The following CHRM2 variants were observed in gnomAD, a reference collection of about 807,000 sequenced individuals.
CHRM2 encodes cholinergic receptor muscarinic 2.
In CHRM2, 8 loss-of-function variants were observed where a neutral mutation model predicts 25.0. That is an observed-to-expected ratio of 0.32 (90% CI 0.19 to 0.58). CHRM2 has a LOEUF of 0.58. Ranked by LOEUF, CHRM2 falls within the 20% of genes least tolerant of loss-of-function variation. The pLI is 0.88. For synonymous variants in CHRM2, 202 were observed against 205.7 expected, an observed-to-expected ratio of 0.98 and a Z score of 0.15; for missense variants, 440 against 567.1, an observed-to-expected ratio of 0.78 and a Z score of 2.28.
chr7:136,939,362 C>T (rs1038367292), intron 2 of CHRM2, among the ~76,000 whole-genome samples: 9 of 152,228 alleles, frequency 5.9e-5, no homozygotes, highest in African/African-American at 1.9e-4. Flanking sequence ...GATTAACAGA[C>T]TTGAGCTCAA....
At chr7:136,880,102 G>A (rs932007660) in intron 2 of CHRM2, among the ~76,000 whole-genome samples, 1 of 149,892 alleles carries the variant, frequency 6.7e-6, no homozygotes, top group African/African-American at 2.5e-5. Flanking sequence ...CCTCTCTGTG[G>A]TTTATCTTAG....
At chr7:136,879,873 A>G (rs768519343) in intron 2 of CHRM2, among the ~76,000 whole-genome samples, 5 of 151,974 alleles carry the variant, frequency 3.3e-5, no homozygotes, top group Admixed American at 6.6e-5. Flanking sequence ...AAGTTTTCAT[A>G]TTCAAACCAA....
chr7:136,901,209 C>T (rs1797188755), intron 2 of CHRM2, among the ~76,000 whole-genome samples: 1 of 151,926 alleles, frequency 6.6e-6, no homozygotes, highest in Non-Finnish European at 1.5e-5. Context: ...AAGATCCAGG[C>T]ATGTGAGAAT....
chr7:136,895,611 G>A (rs2130583375), intron 2 of CHRM2, among the ~76,000 whole-genome samples: 1 of 152,276 alleles, frequency 6.6e-6, no homozygotes, highest in Admixed American at 6.5e-5. Flanking sequence ...TGGGATTTCA[G>A]TCTTAGCTTA....
At chr7:136,994,784 T>C (rs1803481677) in intron 3 of CHRM2, among the ~76,000 whole-genome samples, 1 of 151,938 alleles carries the variant, frequency 6.6e-6, no homozygotes, top group Admixed American at 6.6e-5. Context: ...TAAAAGTAGC[T>C]TAAATTATTT....
At chr7:136,935,616 C>A (rs1313896674) in intron 2 of CHRM2, among the ~76,000 whole-genome samples, 1 of 152,108 alleles carries the variant, frequency 6.6e-6, no homozygotes, top group Non-Finnish European at 1.5e-5. Context: ...ATTAAGTGGC[C>A]CCACTCTGCA....
intron 2 of CHRM2, among the ~76,000 whole-genome samples, chr7:136,918,216 G>T (rs913784927): frequency 1.1e-4 from 16 of 151,984 alleles, no homozygotes; most frequent in Non-Finnish European, 2.1e-4. Flanking sequence ...TCAAGCTAAT[G>T]AATTACATAA....
intron 2 of CHRM2, among the ~76,000 whole-genome samples, chr7:136,968,721 A>AATAT (rs57962090): frequency 0.19 from 27,618 of 142,168 alleles, 2,738 homozygotes; most frequent in East Asian, 0.3. Context: ...TATTATCATA[A>AATAT]ATATATATAT....
intron 2 of CHRM2, among the ~76,000 whole-genome samples, chr7:136,916,713 C>T (rs1468233476): frequency 2.7e-5 from 4 of 150,552 alleles, no homozygotes; most frequent in Admixed American, 1.3e-4. Flanking sequence ...TATAAACAGC[C>T]ACTGAAAAAT....
intron 2 of CHRM2, among the ~76,000 whole-genome samples, chr7:136,925,590 G>GAAA (rs751384483): frequency 6.6e-6 from 1 of 151,174 alleles, no homozygotes; most frequent in Non-Finnish European, 1.5e-5. Context: ...GGGGTGTTTT[G>GAAA]AGATAGCCAT....
intron 2 of CHRM2, among the ~76,000 whole-genome samples, chr7:136,934,275 C>G (rs1273963214): frequency 1.3e-5 from 2 of 152,228 alleles, no homozygotes; most frequent in East Asian, 1.9e-4. Context: ...TCTTCCTTCT[C>G]TTGAACACTG....
At chr7:136,894,918 C>A (rs964854210) in intron 2 of CHRM2, among the ~76,000 whole-genome samples, 2 of 151,958 alleles carry the variant, frequency 1.3e-5, no homozygotes, top group South Asian at 2.1e-4. Context: ...ATTGAATAGG[C>A]CTTATGTTTG....
chr7:136,921,508 T>C (rs931432089), intron 2 of CHRM2, among the ~76,000 whole-genome samples: 20 of 152,184 alleles, frequency 1.3e-4, no homozygotes, highest in Admixed American at 1.3e-3. Context: ...GTGTCCCTCG[T>C]GCATGAGGAC....
intron 2 of CHRM2, among the ~76,000 whole-genome samples, chr7:136,933,816 C>T (rs1266855860): frequency 2.0e-5 from 3 of 152,086 alleles, no homozygotes; most frequent in Non-Finnish European, 4.4e-5. Context: ...TCACAAAGGA[C>T]AACACACCAT....
At chr7:136,934,327 T>C (rs542111007) in intron 2 of CHRM2, among the ~76,000 whole-genome samples, 8 of 152,222 alleles carry the variant, frequency 5.3e-5, no homozygotes, top group Admixed American at 2.0e-4. Context: ...AACATCTATT[T>C]TCTATTTTTT....
chr7:136,886,532 G>C (rs1796471765), intron 2 of CHRM2, among the ~76,000 whole-genome samples: 1 of 152,190 alleles, frequency 6.6e-6, no homozygotes, highest in African/African-American at 2.4e-5. Flanking sequence ...ACATCATCTG[G>C]TATGGATTTA....
chr7:137,008,205 T>G (rs1563123243), intron 3 of CHRM2, among the ~76,000 whole-genome samples: 1 of 152,056 alleles, frequency 6.6e-6, no homozygotes, highest in Non-Finnish European at 1.5e-5. Context: ...ATTCTTAAGG[T>G]GGGGAAGAGA....
intron 2 of CHRM2, among the ~76,000 whole-genome samples, chr7:136,975,283 C>G (rs1802037978): frequency 6.6e-6 from 1 of 152,078 alleles, no homozygotes; most frequent in African/African-American, 2.4e-5. Context: ...TCAACTGACA[C>G]ACAGGGAAGA....
At chr7:136,929,255 A>AT (rs1399631112) in intron 2 of CHRM2, among the ~76,000 whole-genome samples, 1 of 148,392 alleles carries the variant, frequency 6.7e-6, no homozygotes, top group African/African-American at 2.6e-5. Flanking sequence ...CTAAAAGCAC[A>AT]TTTTTTTCTT....
Sources: allele counts gnomAD v4.1 joint callset (sites outside exome capture counted in the v4.1 genomes callset), GRCh38; gene constraint gnomAD v4.1.1; transcripts MANE v1.5; gene names NCBI Gene and HGNC (gene_info 2026-07-23, HGNC 2026-07-21).